The following PNPLA7 variants were observed in gnomAD, a reference collection of about 807,000 sequenced individuals.
PNPLA7 encodes patatin-like phospholipase domain-containing protein 7.
In PNPLA7, 153 loss-of-function variants were observed where a neutral mutation model predicts 161.7. The observed-to-expected ratio is 0.95, with a 90% CI of 0.83 to 1.08. PNPLA7 has a LOEUF of 1.08. Ranked by LOEUF, PNPLA7 falls within the 50% of genes least tolerant of loss-of-function variation. PNPLA7 has a pLI of 0.00. For missense variants in PNPLA7, 1,739 were observed against 1,856.6 expected (o/e 0.94, Z 1.16); for synonymous variants, 809 against 782.1 (o/e 1.03, Z -0.57).
rs183210225 is a variant in PNPLA7 at position 137,522,412 on chromosome 9, G to A, written c.876+317C>T. 9.9e-5 allele frequency among the ~76,000 whole-genome samples: 15 copies of A among 150,768 alleles called. No individual in the cohort carries two copies. The East Asian group carries it at 2.5e-3, about 25-fold the overall frequency. On this transcript the variant is annotated intron_variant, in intron 9 of 34. Coordinates refer to ENST00000406427, the MANE Select transcript of PNPLA7 (RefSeq NM_001098537.3). Reference sequence around the variant, plus strand: ...TCACCGTGTGAGCCAGGATGGTCTCGATCTCCTGACCTCGTGATCCGCCCG... The same window carrying A: ...TCACCGTGTGAGCCAGGATGGTCTCAATCTCCTGACCTCGTGATCCGCCCG...
At position 137,522,852 on chromosome 9, in the gene PNPLA7, A is replaced by G. The variant is rs1461214404; in HGVS notation, c.753T>C (p.His251=). The G allele has an allele frequency of 3.1e-6, 5 of 1,613,256 alleles. No homozygotes were observed. The highest frequency in any genetic ancestry group is 4.2e-6 in the Non-Finnish European group (5 of 1,179,832). Residue 251 remains histidine, a synonymous_variant, in exon 9 of 35, where the codon CAT becomes CAC. Coordinates refer to ENST00000406427, the MANE Select transcript of PNPLA7 (RefSeq NM_001098537.3). ...CGGAGACCGTTTTGTAAGGTGCAGC[A>G]TGGCCCTGTAACAACAGCTCCATCA... The part of the protein sequence containing the change: ...LLSILDIITG[H]AAPYKTVSVR...
chr9:137,511,875 C>G (rs1392393360), intron 12 of PNPLA7, among the ~76,000 whole-genome samples: 1 of 152,202 alleles, frequency 6.6e-6, no homozygotes. Flanking sequence ...TGTCCTCCCT[C>G]TCTGCTTCAG....
intron 20 of PNPLA7, among the ~76,000 whole-genome samples, chr9:137,491,167 G>C (rs924780223): frequency 9.2e-5 from 14 of 152,164 alleles, no homozygotes; most frequent in African/African-American, 3.4e-4. Context: ...GCTGAGGGGG[G>C]GGGAATCACT....
In PNPLA7 at chr9:137,547,697, G is replaced by A; in HGVS notation, c.31-38C>T. On this transcript the variant is annotated intron_variant, in intron 1 of 34. Transcript: ENST00000406427. This position sits in a 1 kb window ranked among gnomAD's most constrained non-coding sequence, Gnocchi z 4.6. ...GCATGGGGTCAGGTGGGCATGGACA[G>A]GCTTCCCAGCCCGAACTTGTTCAGA... 2 of 1,599,422 alleles carry A rather than the reference G, an allele frequency of 1.3e-6. No individual in the cohort carries two copies. Among genetic ancestry groups the A allele is most frequent in the Non-Finnish European group, 1.7e-6 (2 of 1,167,706 alleles).
chr9:137,497,237 C>T lies in PNPLA7; in HGVS notation c.1963G>A (p.Gly655Arg). ...TACTCCCCGGCCAGGCGCTTCTTCC[C>T]ATCATCCTTCCGGATCACAGAGCGC... ...RLRSVIRKDD[G>R]KKRLAGEYGR... is the part of the protein sequence containing the mutation. The change falls in exon 18 of 35, where the codon GGG becomes AGG. Residue 655 changes from glycine (G) to arginine (R), a missense_variant. By Grantham distance (125) the Gly-to-Arg change is moderately radical. Transcript: ENST00000406427. 1.3e-6 allele frequency: 2 copies of T among 1,592,284 alleles called. No homozygotes were observed. Among genetic ancestry groups the T allele is most frequent in the Non-Finnish European group, 8.5e-7 (1 of 1,170,450 alleles).
rs774737777 is a variant in PNPLA7 at position 137,547,386 on chromosome 9, A to G, written c.116T>C (p.Ile39Thr). 1.2e-6 allele frequency: 2 copies of G among 1,613,478 alleles called. No homozygotes were observed. The highest frequency in any genetic ancestry group is 8.5e-7 in the Non-Finnish European group (1 of 1,179,986). The change falls in exon 3 of 35, where the codon ATT becomes ACT. Residue 39 changes from isoleucine to threonine, a missense_variant. Ile to Thr is a moderately conservative substitution (Grantham distance 89). Around this residue, in one of 6 missense-constraint regions of PNPLA7, gnomAD observed 209 missense variants for 252.8 expected, o/e 0.83. Transcript: ENST00000406427. The surrounding 1 kb of genome is among the most constrained non-coding windows in gnomAD (Gnocchi z 4.6). ...CAGGGCCAGGAGGGCTCCAACTGCA[A>G]TCCCCGTCAGCTGGCCGAGAGTGGA... The part of the protein sequence containing the change: ...EGSPSTMLTG[I>T]AVGALLALAL...
chr9:137,522,941 G>A (rs1835104940), intron 8 of PNPLA7, 84 bp from the exon 9 acceptor site: 5 of 1,568,496 alleles, frequency 3.2e-6, no homozygotes, highest in Non-Finnish European at 4.3e-6. Context: ...AGCCCTGGAG[G>A]AGGCCCCGCC....
In PNPLA7 at chr9:137,540,824, C is replaced by A. The variant is rs1564367971; in HGVS notation, c.667-102G>T. ...CCAGGGCAGTGGGGCCACGGGCCTGCACCTCTGAGGCGCCATGAGAGCAGC... is the reference window on the plus strand; with the variant it reads ...CCAGGGCAGTGGGGCCACGGGCCTGAACCTCTGAGGCGCCATGAGAGCAGC... On this transcript the variant is annotated intron_variant, in intron 7 of 34. Transcript: ENST00000406427. The surrounding 1 kb of genome is among the most constrained non-coding windows in gnomAD (Gnocchi z 5.1). 1 of 1,019,180 alleles carries A rather than the reference C, an allele frequency of 9.8e-7. No individual in the cohort carries two copies. The highest frequency in any genetic ancestry group is 1.5e-6 in the Non-Finnish European group (1 of 676,240). The allele number at this position is 1,019,180 out of a possible 1,614,324, so 63.1% of individuals were successfully genotyped here.
intron 20 of PNPLA7, among the ~76,000 whole-genome samples, chr9:137,488,067 C>A (rs565639293): frequency 2.0e-5 from 3 of 152,376 alleles, no homozygotes; most frequent in African/African-American, 7.2e-5. Context: ...CACACACACA[C>A]CAAAGTGCTG....
chr9:137,494,229 G>A (rs141465334), intron 19 of PNPLA7, among the ~76,000 whole-genome samples: 2 of 151,978 alleles, frequency 1.3e-5, no homozygotes, highest in East Asian at 1.9e-4. Flanking sequence ...TCTCCTCACC[G>A]CTGACCCTGC....
In PNPLA7 at chr9:137,522,870, C is replaced by T. The variant is rs749671904; in HGVS notation, c.748-13G>A. ...GTGCAGCATGGCCCTGTAACAACAG[C>T]TCCATCAGTCCCCACTCTGTGGGCC... On this transcript the variant is annotated splice_polypyrimidine_tract_variant and intron_variant, in intron 8 of 34. Coordinates refer to ENST00000406427, the MANE Select transcript of PNPLA7 (RefSeq NM_001098537.3). 1.2e-6 allele frequency: 2 copies of T among 1,612,718 alleles called. No individual in the cohort carries two copies. The highest frequency in any genetic ancestry group is 2.2e-5 in the South Asian group (2 of 91,046).
At chr9:137,513,564 A>AATTAT (rs1834348026) in intron 12 of PNPLA7, among the ~76,000 whole-genome samples, 2 of 152,252 alleles carry the variant, frequency 1.3e-5, no homozygotes, top group African/African-American at 4.8e-5. Flanking sequence ...AGAATAAATA[A>AATTAT]GACCCAAAAC....
chr9:137,510,408 C>A (rs1834160231), intron 12 of PNPLA7, among the ~76,000 whole-genome samples: 1 of 152,192 alleles, frequency 6.6e-6, no homozygotes, highest in South Asian at 2.1e-4. Context: ...AGTGAAAATA[C>A]TAATAGTCCC....
chr9:137,491,489 G>A (rs938685702), intron 20 of PNPLA7: 1 of 981,570 alleles, frequency 1.0e-6, no homozygotes, highest in Admixed American at 6.2e-5. Flanking sequence ...GGTAAGTGGA[G>A]AGCGAAGAGT....
intron 8 of PNPLA7, among the ~76,000 whole-genome samples, chr9:137,536,676 T>A (rs1835907590): frequency 6.6e-6 from 1 of 152,186 alleles, no homozygotes; most frequent in Non-Finnish European, 1.5e-5. Context: ...GTGAATAGTA[T>A]CCATGAAGTC....
At chr9:137,488,247 C>T (rs990990300) in intron 20 of PNPLA7, among the ~76,000 whole-genome samples, 3 of 152,078 alleles carry the variant, frequency 2.0e-5, no homozygotes, top group South Asian at 2.1e-4. Context: ...AGCTTCGGCC[C>T]GAACGTGGCT....
At chr9:137,473,254 C>T (rs1238508805) in intron 25 of PNPLA7, among the ~76,000 whole-genome samples, 1 of 152,158 alleles carries the variant, frequency 6.6e-6, no homozygotes, top group Non-Finnish European at 1.5e-5. Flanking sequence ...ATGGCCAAAC[C>T]ATATCATTCA....
At position 137,523,649 on chromosome 9, in the gene PNPLA7, CAG is replaced by C. The variant is rs1290538261; in HGVS notation, c.748-794_748-793del. Among the ~76,000 whole-genome samples, 6 of 144,806 alleles carry C rather than the reference CAG, an allele frequency of 4.1e-5. No individual in the cohort carries two copies. The highest frequency in any genetic ancestry group is 1.5e-4 in the African/African-American group (6 of 39,056). 95.0% of individuals were successfully genotyped at this position (144,806 alleles called of 152,430 possible). ...GACAGATTTTTTTTTTTTTTTGAGACAGAGTCTCGTTCTGTCGTCCAGGCTGG... is the reference window on the plus strand; with the variant it reads ...GACAGATTTTTTTTTTTTTTTGAGACAGTCTCGTTCTGTCGTCCAGGCTGG... On this transcript the variant is annotated intron_variant, in intron 8 of 34. Coordinates refer to ENST00000406427, the MANE Select transcript of PNPLA7 (RefSeq NM_001098537.3). This position sits in a 1 kb window ranked among gnomAD's most constrained non-coding sequence, Gnocchi z 4.4.
intron 8 of PNPLA7, among the ~76,000 whole-genome samples, chr9:137,535,837 T>C (rs893552197): frequency 5.5e-5 from 8 of 144,768 alleles, no homozygotes; most frequent in African/African-American, 2.0e-4. Flanking sequence ...ATTTGGAAAA[T>C]AAAGTTGAAA....
Sources: allele counts gnomAD v4.1 joint callset (sites outside exome capture counted in the v4.1 genomes callset), GRCh38; gene constraint gnomAD v4.1.1; regional missense constraint gnomAD v4.1.1; non-coding constraint Gnocchi (gnomAD v3.1); transcripts MANE v1.5; gene names NCBI Gene and HGNC (gene_info 2026-07-23, HGNC 2026-07-21).